GRM7: variants seen among roughly 807,000 people sequenced by gnomAD.
GRM7 encodes the protein glutamate metabotropic receptor 7, also known as metabotropic glutamate receptor 7.
A neutral mutation model predicts 84.5 loss-of-function variants in GRM7; 35 were observed. The observed-to-expected ratio is 0.41, with a 90% CI of 0.32 to 0.55. The LOEUF (loss-of-function observed/expected upper bound fraction) is 0.55. Ranked by LOEUF, GRM7 falls within the 20% of genes least tolerant of loss-of-function variation. The pLI is 0.19. For synonymous variants in GRM7, 487 were observed against 455.1 expected (o/e 1.07, Z -0.89); for missense variants, 1,003 against 1,194.6 (o/e 0.84, Z 2.36).
At chr3:7,102,028 T>G (rs1166227839) in intron 1 of GRM7, among the ~76,000 whole-genome samples, 1 of 151,578 alleles carries the variant, frequency 6.6e-6, no homozygotes, top group Admixed American at 6.6e-5. Flanking sequence ...TTTATGTATA[T>G]TATACATCCC....
At chr3:7,027,812 C>T (rs919172945) in intron 1 of GRM7, among the ~76,000 whole-genome samples, 4 of 152,026 alleles carry the variant, frequency 2.6e-5, no homozygotes, top group Non-Finnish European at 5.9e-5. Flanking sequence ...TTGATCATGC[C>T]AAGTTTTCCA....
intron 8 of GRM7, among the ~76,000 whole-genome samples, chr3:7,585,769 C>A (rs1437068389): frequency 4.6e-5 from 7 of 152,110 alleles, no homozygotes; most frequent in Admixed American, 4.6e-4. Flanking sequence ...CATCTCTGTT[C>A]CCTAGCTTTT....
At chr3:7,004,439 C>G (rs1352696555) in intron 1 of GRM7, among the ~76,000 whole-genome samples, 1 of 152,068 alleles carries the variant, frequency 6.6e-6, no homozygotes, top group African/African-American at 2.4e-5. Flanking sequence ...ATAAAACTTT[C>G]AAATACAATC....
At position 7,741,159 on chromosome 3, in the gene GRM7, G is replaced by A. The variant is rs1238682299; in HGVS notation, c.*753G>A. The A allele has an allele frequency of 1.3e-5, 2 of 152,344 alleles. No individual in the cohort carries two copies. Among genetic ancestry groups the A allele is most frequent in the African/African-American group, 4.8e-5 (2 of 41,352 alleles). 9.4% of individuals were successfully genotyped at this position (152,344 alleles called of 1,614,324 possible). The stretch of plus-strand genomic sequence containing the variant: ...GATCTTTGGAATGCATGCCAGTAAT[G>A]TATTTTACAGTACATGTTTATTATG... On this transcript the variant is annotated 3_prime_UTR_variant, in exon 10 of 10. Transcript: ENST00000357716.
chr3:7,384,194 A>G (rs1046013114), intron 4 of GRM7, among the ~76,000 whole-genome samples: 35 of 152,042 alleles, frequency 2.3e-4, no homozygotes, highest in African/African-American at 7.5e-4. Context: ...GTGCCTGGCT[A>G]ATTTTTACAT....
At chr3:6,982,262 A>G (rs1694237901) in intron 1 of GRM7, among the ~76,000 whole-genome samples, 1 of 152,186 alleles carries the variant, frequency 6.6e-6, no homozygotes, top group Admixed American at 6.5e-5. Context: ...ACGTGGCTAT[A>G]AAGATGGCAA....
At chr3:7,548,083 A>G (rs1208901396) in intron 7 of GRM7, among the ~76,000 whole-genome samples, 2 of 152,216 alleles carry the variant, frequency 1.3e-5, no homozygotes, top group African/African-American at 4.8e-5. Flanking sequence ...TAACTGCTGT[A>G]GTTTGGATGT....
chr3:7,103,818 C>CTTTCTTTCTTTCTTTCTT (rs1201324152), intron 1 of GRM7, among the ~76,000 whole-genome samples: 6 of 122,338 alleles, frequency 4.9e-5, no homozygotes, highest in African/African-American at 2.0e-4. Flanking sequence ...TTCTTTCTTT[C>CTTTCTTTCTTTCTTTCTT]TCTCTCTCTC....
chr3:7,625,412 A>C (rs932005383), intron 8 of GRM7, among the ~76,000 whole-genome samples: 7 of 152,238 alleles, frequency 4.6e-5, no homozygotes, highest in Non-Finnish European at 1.0e-4. Context: ...TTAATGAAAA[A>C]ATTTTACAAG....
chr3:7,476,897 T>C (rs1294653922), intron 7 of GRM7, among the ~76,000 whole-genome samples: 1 of 152,214 alleles, frequency 6.6e-6, no homozygotes, highest in Non-Finnish European at 1.5e-5. Context: ...AACTGAATAC[T>C]GGCCACTGGA....
intron 8 of GRM7, among the ~76,000 whole-genome samples, chr3:7,609,729 G>A (rs1242033263): frequency 6.6e-6 from 1 of 152,154 alleles, no homozygotes; most frequent in African/African-American, 2.4e-5. Context: ...ATAAAAGCAT[G>A]CAGGGCTAGA....
chr3:7,239,179 T>G (rs1697459480), intron 2 of GRM7, among the ~76,000 whole-genome samples: 1 of 151,950 alleles, frequency 6.6e-6, no homozygotes, highest in African/African-American at 2.4e-5. Context: ...TTTGCATTTT[T>G]TGGTAGAGAC....
At chr3:7,132,527 C>A (rs551822805) in intron 1 of GRM7, among the ~76,000 whole-genome samples, 1 of 152,124 alleles carries the variant, frequency 6.6e-6, no homozygotes, top group East Asian at 1.9e-4. Flanking sequence ...TCGTATAAAT[C>A]TTTTTTTGGT....
chr3:7,119,682 AG>A (rs1167363177), intron 1 of GRM7, among the ~76,000 whole-genome samples: 1 of 152,136 alleles, frequency 6.6e-6, no homozygotes, highest in South Asian at 2.1e-4. Flanking sequence ...TGTATATTAA[AG>A]GATTAACCTA....
intron 7 of GRM7, chr3:7,561,644 T>A: frequency 2.2e-6 from 1 of 449,676 alleles, no homozygotes; most frequent in Admixed American, 2.4e-5. Context: ...TCTTGGAAGA[T>A]AATGTGAATC....
chr3:7,234,981 A>C (rs1032449541), intron 2 of GRM7, among the ~76,000 whole-genome samples: 1 of 152,170 alleles, frequency 6.6e-6, no homozygotes, highest in Non-Finnish European at 1.5e-5. Context: ...GCCTGTACTG[A>C]AACTTAACTC....
intron 1 of GRM7, among the ~76,000 whole-genome samples, chr3:6,930,058 T>C (rs1348339707): frequency 2.0e-5 from 3 of 152,128 alleles, no homozygotes; most frequent in African/African-American, 7.2e-5. Context: ...GTATTGAAAA[T>C]GATACATGTT....
chr3:7,057,901 T>C (rs1258130792), intron 1 of GRM7, among the ~76,000 whole-genome samples: 1 of 151,916 alleles, frequency 6.6e-6, no homozygotes, highest in Non-Finnish European at 1.5e-5. Flanking sequence ...ATGAAGCATA[T>C]ATAGCAAGAA....
chr3:7,617,543 A>G (rs1184450085), intron 8 of GRM7, among the ~76,000 whole-genome samples: 2 of 152,174 alleles, frequency 1.3e-5, no homozygotes, highest in Non-Finnish European at 2.9e-5. Flanking sequence ...CAGAAGCCAT[A>G]AAGCAAAAGA....
Sources: allele counts gnomAD v4.1 joint callset (sites outside exome capture counted in the v4.1 genomes callset), GRCh38; gene constraint gnomAD v4.1.1; transcripts MANE v1.5; gene names NCBI Gene and HGNC (gene_info 2026-07-23, HGNC 2026-07-21).